MED12L: variants seen among roughly 807,000 people sequenced by gnomAD.
MED12L encodes the protein mediator of RNA polymerase II transcription subunit 12-like protein.
In MED12L, 60 loss-of-function variants were observed where a neutral mutation model predicts 281.3. The observed-to-expected ratio is 0.21, with a 90% CI of 0.17 to 0.26. The LOEUF is 0.26. MED12L is among the 10% of genes least tolerant of loss of function. MED12L has a pLI of 1.00. For missense variants in MED12L, 2,146 were observed against 2,680.9 expected (o/e 0.80, Z 4.41); for synonymous variants, 974 against 987.2 (o/e 0.99, Z 0.25).
At chr3:151,364,943 A>T in intron 21 of MED12L, 36 bp from the exon 22 acceptor site, 2 of 1,435,860 alleles carry the variant, frequency 1.4e-6, no homozygotes, top group Non-Finnish European at 2.0e-6. Flanking sequence ...TTCTAGTTTT[A>T]TTTTTCTGTT....
intron 43 of MED12L, among the ~76,000 whole-genome samples, chr3:151,422,021 T>A (rs552235325): frequency 6.6e-6 from 1 of 152,238 alleles, no homozygotes; most frequent in South Asian, 2.1e-4. Flanking sequence ...CTGGTGACAT[T>A]CACAGTTGAA....
chr3:151,138,524 T>G (rs1457679299), intron 5 of MED12L, among the ~76,000 whole-genome samples: 1 of 152,220 alleles, frequency 6.6e-6, no homozygotes, highest in African/African-American at 2.4e-5. Context: ...TTTCAGGATC[T>G]TATTCAGGAT....
At chr3:151,243,192 G>A (rs1734589537) in intron 16 of MED12L, among the ~76,000 whole-genome samples, 1 of 152,030 alleles carries the variant, frequency 6.6e-6, no homozygotes, top group South Asian at 2.1e-4. Context: ...AAAACACTCT[G>A]CAGGATATTA....
intron 14 of MED12L, among the ~76,000 whole-genome samples, chr3:151,191,276 G>C (rs1279260803): frequency 1.3e-5 from 2 of 152,030 alleles, no homozygotes; most frequent in African/African-American, 4.8e-5. Flanking sequence ...TGACCTTTAA[G>C]TGTCAGCTGA....
At chr3:151,254,746 A>C (rs756814507) in intron 16 of MED12L, among the ~76,000 whole-genome samples, 15 of 152,226 alleles carry the variant, frequency 9.9e-5, no homozygotes, top group Admixed American at 2.0e-4. Flanking sequence ...TCGTGTTGAC[A>C]AATGTGCTTG....
Position 151,388,205 on chromosome 3 carries a change from A to G in MED12L, c.5451+33A>G, listed in dbSNP as rs1487120353. 14 of 1,554,076 alleles carry G rather than the reference A, an allele frequency of 9.0e-6. No individual in the cohort carries two copies. The East Asian group carries it at 1.6e-4, about 17-fold the overall frequency. ...GGGAAAGGAAGGAGAACCTTGGCTC[A>G]TTAGCATTTAGTATGAGATTTACTC... On this transcript the variant is annotated intron_variant, in intron 37 of 44. Coordinates refer to ENST00000687756, the MANE Select transcript of MED12L (RefSeq NM_001393769.1).
intron 16 of MED12L, among the ~76,000 whole-genome samples, chr3:151,311,066 C>G (rs1020005771): frequency 6.6e-6 from 1 of 152,152 alleles, no homozygotes; most frequent in Admixed American, 6.5e-5. Context: ...ATTTCAGGTG[C>G]CTGCAACTTT....
At chr3:151,161,963 A>C (rs1398207206) in intron 8 of MED12L, among the ~76,000 whole-genome samples, 2 of 152,346 alleles carry the variant, frequency 1.3e-5, no homozygotes, top group Admixed American at 6.5e-5. Flanking sequence ...TAAGGAGCCA[A>C]ATTAAGGAAT....
intron 16 of MED12L, among the ~76,000 whole-genome samples, chr3:151,300,744 A>G (rs897587621): frequency 7.2e-5 from 11 of 152,218 alleles, no homozygotes; most frequent in Non-Finnish European, 1.0e-4. Flanking sequence ...ATTCTGTCCA[A>G]TCACAAAGCA....
chr3:151,269,107 C>T (rs551067613), intron 16 of MED12L, among the ~76,000 whole-genome samples: 6 of 152,166 alleles, frequency 3.9e-5, no homozygotes, highest in African/African-American at 1.2e-4. Flanking sequence ...AATATATTGA[C>T]GACGTACAAA....
At position 151,098,185 on chromosome 3, in the gene MED12L, G is replaced by C. The variant is rs185159780; in HGVS notation, c.99+11160G>C. ...GGAGGCTTTTGGGTATTATGGTGGA[G>C]GAAGCCAGCCACCATTCAAGGGTGA... On this transcript the variant is annotated intron_variant, in intron 2 of 44. Coordinates refer to ENST00000687756, the MANE Select transcript of MED12L (RefSeq NM_001393769.1). Among the ~76,000 whole-genome samples the C allele has an allele frequency of 3.3e-5, 5 of 152,254 alleles. No individual in the cohort carries two copies. In the East Asian group the frequency reaches 9.7e-4, roughly 29 times the overall value.
intron 2 of MED12L, among the ~76,000 whole-genome samples, chr3:151,093,301 C>G (rs1028226496): frequency 6.6e-6 from 1 of 152,148 alleles, no homozygotes; most frequent in African/African-American, 2.4e-5. Context: ...GGTACCCTGT[C>G]TCTTAAAAAA....
chr3:151,369,768 T>C (rs1755955094), intron 26 of MED12L, among the ~76,000 whole-genome samples: 1 of 152,296 alleles, frequency 6.6e-6, no homozygotes, highest in South Asian at 2.1e-4. Context: ...ACATGTAATA[T>C]TTTTTATGGT....
chr3:151,378,571 A>G (rs886582863), intron 31 of MED12L, among the ~76,000 whole-genome samples: 3 of 152,038 alleles, frequency 2.0e-5, no homozygotes, highest in African/African-American at 7.2e-5. Context: ...TGTCTGAACT[A>G]GTTGCTCATA....
intron 16 of MED12L, among the ~76,000 whole-genome samples, chr3:151,229,766 A>G (rs908993908): frequency 4.6e-5 from 7 of 151,614 alleles, no homozygotes; most frequent in African/African-American, 1.5e-4. Context: ...CGCCAGGCGA[A>G]CTGAGCAATT....
intron 16 of MED12L, among the ~76,000 whole-genome samples, chr3:151,217,909 A>G (rs974481845): frequency 2.6e-5 from 4 of 152,198 alleles, no homozygotes; most frequent in East Asian, 3.8e-4. Context: ...GATGTGTGGA[A>G]AAGAAGCTCT....
chr3:151,367,843 G>A, intron 24 of MED12L, 77 bp downstream of exon 24: 1 of 1,491,456 alleles, frequency 6.7e-7, no homozygotes, highest in Non-Finnish European at 9.1e-7. Flanking sequence ...TACAACACAG[G>A]GAAAGGAGTA....
intron 16 of MED12L, among the ~76,000 whole-genome samples, chr3:151,201,996 G>C (rs1725674301): frequency 6.6e-6 from 1 of 152,146 alleles, no homozygotes. Flanking sequence ...AATTTATTTT[G>C]ATTAATTTTC....
intron 40 of MED12L, among the ~76,000 whole-genome samples, chr3:151,410,144 G>A (rs1481671529): frequency 9.8e-5 from 15 of 152,330 alleles, no homozygotes; most frequent in Admixed American, 2.6e-4. Context: ...GAGATGAAGT[G>A]TATGAGGACA....
Sources: gnomAD v4.1 joint callset for allele counts (sites outside exome capture counted in the v4.1 genomes callset) on GRCh38, gnomAD v4.1.1 for gene constraint, MANE v1.5 for transcripts, NCBI Gene and HGNC (gene_info 2026-07-23, HGNC 2026-07-21) for gene names.